The following XKR6 variants were observed in gnomAD, a reference collection of about 807,000 sequenced individuals.
The protein encoded by XKR6 is XK related 6, also known as XK-related protein 6.
In XKR6, 22 loss-of-function variants were observed where a neutral mutation model predicts 56.7. The ratio of observed to expected loss-of-function variants is 0.39; its 90% CI spans 0.28 to 0.55. XKR6 has a LOEUF of 0.55. Among genes scored for constraint, XKR6 ranks in the 20% least tolerant of loss-of-function variants. The probability of loss-of-function intolerance (pLI) is 0.66; values close to 1 mark genes in which losing one functional copy is unlikely to be tolerated. For synonymous variants in XKR6, 524 were observed against 387.8 expected (o/e 1.35, Z -4.13); for missense variants, 852 against 889.0 (o/e 0.96, Z 0.53).
intron 1 of XKR6, among the ~76,000 whole-genome samples, chr8:10,926,521 C>A (rs765501966): frequency 6.6e-6 from 1 of 152,212 alleles, no homozygotes; most frequent in African/African-American, 2.4e-5. Context: ...AGCAGAGATG[C>A]AATCTTACTG....
chr8:11,078,254 C>T (rs1024122957), intron 1 of XKR6, among the ~76,000 whole-genome samples: 2 of 152,118 alleles, frequency 1.3e-5, no homozygotes, highest in Non-Finnish European at 2.9e-5. Context: ...CTGTGTGCCC[C>T]GAGACTTTAT....
At chr8:11,071,291 G>A (rs1369483794) in intron 1 of XKR6, among the ~76,000 whole-genome samples, 1 of 152,136 alleles carries the variant, frequency 6.6e-6, no homozygotes, top group Non-Finnish European at 1.5e-5. Flanking sequence ...CCAGGCTGGA[G>A]TGCAATGGCA....
chr8:11,016,346 C>A (rs1271729545), intron 1 of XKR6, among the ~76,000 whole-genome samples: 2 of 152,188 alleles, frequency 1.3e-5, no homozygotes, highest in East Asian at 1.9e-4. Context: ...ACTTGGCGTG[C>A]GGTGCTGAGG....
chr8:11,198,097 T>C (rs948049550), intron 1 of XKR6, among the ~76,000 whole-genome samples: 4 of 152,186 alleles, frequency 2.6e-5, no homozygotes, highest in Non-Finnish European at 5.9e-5. Flanking sequence ...GCAACAACTA[T>C]AACCCCAAAA....
In XKR6 at chr8:10,961,465, C is replaced by T. The variant is rs114458245; in HGVS notation, c.765-36635G>A. Among the ~76,000 whole-genome samples, 620 of 152,282 alleles carry T rather than the reference C, an allele frequency of 4.1e-3. 4 individuals carry two copies. The highest frequency in any genetic ancestry group is 0.014 in the African/African-American group (571 of 41,564). ...TAGGGGCGGCTGGGGAAATAGGAGT[C>T]GGGGTGGAATCACTGAAAGCCAGAA... On this transcript the variant is annotated intron_variant, in intron 1 of 2. Transcript: ENST00000416569.
chr8:10,974,007 CAG>C (rs1490181374), intron 1 of XKR6, among the ~76,000 whole-genome samples: 2 of 152,048 alleles, frequency 1.3e-5, no homozygotes, highest in Non-Finnish European at 2.9e-5. Context: ...AATTAAAGTC[CAG>C]AGAGGCTAAG....
chr8:11,090,753 G>C (rs1481760630), intron 1 of XKR6, among the ~76,000 whole-genome samples: 1 of 144,024 alleles, frequency 6.9e-6, no homozygotes, highest in Non-Finnish European at 1.5e-5. Context: ...TTGGGTTGAA[G>C]GAGGTTCTTT....
intron 1 of XKR6, among the ~76,000 whole-genome samples, chr8:10,994,671 A>G (rs1325901022): frequency 2.0e-5 from 3 of 152,214 alleles, no homozygotes; most frequent in African/African-American, 4.8e-5. Context: ...CTCTCCACTT[A>G]TCTGCTTCTT....
At chr8:11,129,534 G>C (rs1427535371) in intron 1 of XKR6, among the ~76,000 whole-genome samples, 1 of 152,144 alleles carries the variant, frequency 6.6e-6, no homozygotes, top group Non-Finnish European at 1.5e-5. Flanking sequence ...TCAAGAGTCA[G>C]TAACTAACTC....
chr8:11,073,947 A>T (rs976350970), intron 1 of XKR6, among the ~76,000 whole-genome samples: 2 of 152,200 alleles, frequency 1.3e-5, no homozygotes, highest in African/African-American at 4.8e-5. Flanking sequence ...CCAGGAAATG[A>T]GCCAGACACA....
intron 1 of XKR6, among the ~76,000 whole-genome samples, chr8:11,074,406 T>C (rs539737376): frequency 2.0e-5 from 3 of 152,364 alleles, no homozygotes; most frequent in Non-Finnish European, 4.4e-5. Flanking sequence ...CCTGCAAGAC[T>C]GCCCAGCCCT....
At chr8:11,133,069 A>C (rs1339775079) in intron 1 of XKR6, among the ~76,000 whole-genome samples, 1 of 152,194 alleles carries the variant, frequency 6.6e-6, no homozygotes, top group African/African-American at 2.4e-5. Context: ...AGTGAGTTTC[A>C]AGTTGTACTG....
At position 10,970,322 on chromosome 8, in the gene XKR6, A is replaced by G. The variant is rs555731153; in HGVS notation, c.765-45492T>C. ...TGAGGTCGCGACAGCCCTCTGCATC[A>G]TCACCTGTCCAATGAGGGCACTGGA... On this transcript the variant is annotated intron_variant, in intron 1 of 2. Coordinates refer to ENST00000416569, the MANE Select transcript of XKR6 (RefSeq NM_173683.4). 2.6e-5 allele frequency among the ~76,000 whole-genome samples: 4 copies of G among 152,332 alleles called. No homozygotes were observed. The South Asian group carries it at 6.2e-4, about 24-fold the overall frequency.
At chr8:11,007,526 T>C (rs927481512) in intron 1 of XKR6, among the ~76,000 whole-genome samples, 1 of 152,136 alleles carries the variant, frequency 6.6e-6, no homozygotes, top group Non-Finnish European at 1.5e-5. Flanking sequence ...GTCGTTTCCA[T>C]TCATCTCTCC....
chr8:11,063,594 T>C (rs1247066887), intron 1 of XKR6, among the ~76,000 whole-genome samples: 1 of 152,074 alleles, frequency 6.6e-6, no homozygotes, highest in Non-Finnish European at 1.5e-5. Context: ...CACCCAGCAT[T>C]AGTCCAGCAC....
At chr8:11,070,475 G>C (rs1800087858) in intron 1 of XKR6, among the ~76,000 whole-genome samples, 1 of 152,164 alleles carries the variant, frequency 6.6e-6, no homozygotes, top group Non-Finnish European at 1.5e-5. Flanking sequence ...GGGCAATTTG[G>C]GGTGGTGGTG....
At position 11,200,454 on chromosome 8, in the gene XKR6, C is replaced by A. The variant is rs1585049032; in HGVS notation, c.764+122G>T. 8.1e-7 allele frequency: 1 copy of A among 1,238,354 alleles called. No individual in the cohort carries two copies. Among genetic ancestry groups the A allele is most frequent in the Non-Finnish European group, 1.0e-6 (1 of 966,104 alleles). 76.7% of individuals were successfully genotyped at this position (1,238,354 alleles called of 1,614,324 possible). ...TTTTGGAGACGCCAGGGGCGGCGCG[C>A]GGCCGGTCCCTCCTTCGAGCCCCCC... On this transcript the variant is annotated intron_variant, in intron 1 of 2. Coordinates refer to ENST00000416569, the MANE Select transcript of XKR6 (RefSeq NM_173683.4). The surrounding 1 kb of genome is among the most constrained non-coding windows in gnomAD (Gnocchi z 6.4).
Position 10,897,738 on chromosome 8 carries a change from CTT to C in XKR6, c.*212_*213del. 4.0e-6 allele frequency: 2 copies of C among 505,306 alleles called. No individual in the cohort carries two copies. Among genetic ancestry groups the C allele is most frequent in the Admixed American group, 7.6e-5 (2 of 26,296 alleles). 31.3% of individuals were successfully genotyped at this position (505,306 alleles called of 1,614,324 possible). On this transcript the variant is annotated 3_prime_UTR_variant, in exon 3 of 3. Coordinates refer to ENST00000416569, the MANE Select transcript of XKR6 (RefSeq NM_173683.4). ...TTTACTTACAAAACATAGAGAATAT[CTT>C]TGTATACATACAGCGACTGGAAAGA... is the stretch of plus-strand genomic sequence containing the variant.
chr8:11,137,933 C>G (rs1228853198), intron 1 of XKR6: 1 of 355,922 alleles, frequency 2.8e-6, no homozygotes, highest in Non-Finnish European at 5.5e-6. Flanking sequence ...ACAACTCGAC[C>G]TTGATCACAG....
Sources: gnomAD v4.1 joint callset for allele counts (sites outside exome capture counted in the v4.1 genomes callset) on GRCh38, gnomAD v4.1.1 for gene constraint, Gnocchi (gnomAD v3.1) non-coding constraint, MANE v1.5 for transcripts, NCBI Gene and HGNC (gene_info 2026-07-23, HGNC 2026-07-21) for gene names.